SKOR2: variants seen among roughly 807,000 people sequenced by gnomAD.
SKOR2 encodes the protein LBX1 corepressor 1-like protein.
A neutral mutation model predicts 69.1 loss-of-function variants in SKOR2; 47 were observed. That is an observed-to-expected ratio of 0.68 (90% confidence interval 0.54 to 0.87). SKOR2 has a LOEUF of 0.87. Ranked by LOEUF, SKOR2 falls within the 40% of genes least tolerant of loss-of-function variation. The pLI, the probability that SKOR2 is intolerant of heterozygous loss-of-function variation, is 0.00. For missense variants in SKOR2, 1,404 were observed against 1,472.2 expected (o/e 0.95, Z 0.76); for synonymous variants, 717 against 672.6 (o/e 1.07, Z -1.02).
rs919098396 is a variant in SKOR2 at position 47,248,305 on chromosome 18, C to CGGCGGT, written c.873_878dup (p.Pro293_Pro294dup). 8.3e-7 allele frequency: 1 copy of CGGCGGT among 1,205,128 alleles called. No individual in the cohort carries two copies. Among genetic ancestry groups the CGGCGGT allele is most frequent in the African/African-American group, 1.6e-5 (1 of 62,674 alleles). 74.7% of individuals were successfully genotyped at this position (1,205,128 alleles called of 1,614,324 possible). On this transcript the variant is annotated inframe_insertion, in exon 2 of 9. Transcript: ENST00000425639. This position sits in a 1 kb window ranked among gnomAD's most constrained non-coding sequence, Gnocchi z 6.4. ...GGGCACCAGCCAGCTCTGCCAAGGG[C>CGGCGGT]GGCGGTGGCGGCGGCGGCGGCGGGG... is the stretch of plus-strand genomic sequence containing the variant.
Position 47,248,235 on chromosome 18 carries a change from A to AGTCGTC in SKOR2, c.943_948dup (p.Asp315_Asp316dup), listed in dbSNP as rs1042316344. The AGTCGTC allele has an allele frequency of 4.9e-6, 6 of 1,226,068 alleles. No individual in the cohort carries two copies. Among genetic ancestry groups the AGTCGTC allele is most frequent in the African/African-American group, 3.1e-5 (2 of 63,576 alleles). 75.9% of individuals were successfully genotyped at this position (1,226,068 alleles called of 1,614,324 possible). On this transcript the variant is annotated inframe_insertion, in exon 2 of 9. Coordinates refer to ENST00000425639, the MANE Select transcript of SKOR2 (RefSeq NM_001278063.4). The surrounding 1 kb of genome is among the most constrained non-coding windows in gnomAD (Gnocchi z 6.4). The stretch of plus-strand genomic sequence containing the variant: ...GCCACTACGGCGGCCTCCTGCAAGG[A>AGTCGTC]GTCGTCGTCGTCGTCGAAGCGCGGC...
chr18:47,247,684 G>A lies in SKOR2; in HGVS notation c.1500C>T (p.Gly500=). The change falls in exon 2 of 9, where the codon GGC becomes GGT. Residue 500 remains glycine (G), a synonymous_variant. Coordinates refer to ENST00000425639, the MANE Select transcript of SKOR2 (RefSeq NM_001278063.4). The surrounding 1 kb of genome is among the most constrained non-coding windows in gnomAD (Gnocchi z 6.6). The part of the protein sequence containing the change: ...QPPSALGCAL[G]ESPALLRQAF... Reference sequence around the variant, plus strand: ...CCTGGCGCAGCAGGGCCGGGCTTTCGCCTAGCGCGCAGCCTAGCGCCGAGG... The same window carrying A: ...CCTGGCGCAGCAGGGCCGGGCTTTCACCTAGCGCGCAGCCTAGCGCCGAGG... The A allele has an allele frequency of 7.3e-7, 1 of 1,369,944 alleles. No individual in the cohort carries two copies. The highest frequency in any genetic ancestry group is 1.7e-5 in the South Asian group (1 of 58,216). The allele number at this position is 1,369,944 out of a possible 1,614,324, so 84.9% of individuals were successfully genotyped here.
chr18:47,229,905 A>C (rs2064191490), intron 6 of SKOR2, among the ~76,000 whole-genome samples: 1 of 152,200 alleles, frequency 6.6e-6, no homozygotes, highest in Non-Finnish European at 1.5e-5. Flanking sequence ...TAAATTCAGA[A>C]TGGAATTTTA....
intron 4 of SKOR2, among the ~76,000 whole-genome samples, chr18:47,232,551 C>T (rs2144497799): frequency 6.6e-6 from 1 of 152,312 alleles, no homozygotes; most frequent in African/African-American, 2.4e-5. Context: ...GATCCCCCTC[C>T]CTTTCACCCC....
At chr18:47,209,894 C>G (rs2064122763) in intron 8 of SKOR2, among the ~76,000 whole-genome samples, 1 of 152,068 alleles carries the variant, frequency 6.6e-6, no homozygotes, top group Admixed American at 6.6e-5. Context: ...GAGCTTGAGA[C>G]CAGCCTGCGA....
Position 47,245,478 on chromosome 18 carries a change from A to ATTTGTTTTTTTTTTT in SKOR2, c.2677+19_2677+20insAAAAAAAAAAACAAA. 8.4e-7 allele frequency: 1 copy of ATTTGTTTTTTTTTTT among 1,194,644 alleles called. No individual in the cohort carries two copies. Among genetic ancestry groups the ATTTGTTTTTTTTTTT allele is most frequent in the East Asian group, 3.0e-5 (1 of 33,588 alleles). 74.0% of individuals were successfully genotyped at this position (1,194,644 alleles called of 1,614,324 possible). A position where few individuals can be genotyped will look rare whatever the true frequency, so the allele number is the denominator to read the frequency against. The stretch of plus-strand genomic sequence containing the variant: ...ATGCAGGCAAGAAAAGTGGCAGCTG[A>ATTTGTTTTTTTTTTT]TTTTTTTTTTTTTTTTTACCTGAAA... On this transcript the variant is annotated intron_variant, in intron 3 of 8. Transcript: ENST00000425639.
At chr18:47,208,033 C>T (rs2064118009) in intron 8 of SKOR2, among the ~76,000 whole-genome samples, 1 of 152,046 alleles carries the variant, frequency 6.6e-6, no homozygotes, top group Non-Finnish European at 1.5e-5. Flanking sequence ...AAAGTGACAG[C>T]CAAAATTTTA....
intron 8 of SKOR2, 39 bp downstream of exon 8, chr18:47,212,047 C>T: frequency 8.1e-7 from 1 of 1,229,328 alleles, no homozygotes. Context: ...CACAACAATA[C>T]AGAGAGTTAA....
Position 47,247,730 on chromosome 18 carries a change from A to G in SKOR2, c.1454T>C (p.Leu485Pro). The change falls in exon 2 of 9, where the codon CTG becomes CCG. Residue 485 changes from leucine (L) to proline (P), a missense_variant. This residue lies in a region of SKOR2 where 1,266 missense variants were observed against 1,309.9 expected (regional missense o/e 0.97). Transcript: ENST00000425639. This position sits in a 1 kb window ranked among gnomAD's most constrained non-coding sequence, Gnocchi z 6.6. ...CGAGGGCGGCTGAGGCGGGGGCTGCAGGTAGGTGGGCACCGGGAGCCCGCC... is the reference window on the plus strand; with the variant it reads ...CGAGGGCGGCTGAGGCGGGGGCTGCGGGTAGGTGGGCACCGGGAGCCCGCC... ...TPGGLPVPTY[L>P]QPPPQPPSAL... 7.3e-7 allele frequency: 1 copy of G among 1,362,956 alleles called. No individual in the cohort carries two copies. 84.4% of individuals were successfully genotyped at this position (1,362,956 alleles called of 1,614,324 possible). A position where few individuals can be genotyped will look rare whatever the true frequency, so the allele number is the denominator to read the frequency against.
At position 47,246,688 on chromosome 18, in the gene SKOR2, G is replaced by C. The variant is rs940162402; in HGVS notation, c.2496C>G (p.Asp832Glu). The change falls in exon 2 of 9, where the codon GAC becomes GAG. Residue 832 changes from aspartate to glutamate, a missense_variant. By Grantham distance (45) the Asp-to-Glu change is conservative. Coordinates refer to ENST00000425639, the MANE Select transcript of SKOR2 (RefSeq NM_001278063.4). ...EDGKLGDPGS[D>E]LPPPPPPPLA... ...GGGGCGGCGGCGGGGGCGGGGGCAG[G>C]TCCGAGCCGGGGTCCCCGAGTTTCC... 1 of 1,479,976 alleles carries C rather than the reference G, an allele frequency of 6.8e-7. No homozygotes were observed. Among genetic ancestry groups the C allele is most frequent in the African/African-American group, 1.5e-5 (1 of 67,708 alleles). The allele number at this position is 1,479,976 out of a possible 1,614,324, so 91.7% of individuals were successfully genotyped here.
At chr18:47,224,804 G>A (rs1600031149) in intron 6 of SKOR2, among the ~76,000 whole-genome samples, 1 of 152,008 alleles carries the variant, frequency 6.6e-6, no homozygotes, top group South Asian at 2.1e-4. Flanking sequence ...TGTTTGTGTA[G>A]AGACAGGGTC....
Position 47,249,148 on chromosome 18 carries a change from G to A in SKOR2, c.36C>T (p.Ile12=), listed in dbSNP as rs1309122207. 1 of 1,535,518 alleles carries A rather than the reference G, an allele frequency of 6.5e-7. No homozygotes were observed. Among genetic ancestry groups the A allele is most frequent in the Non-Finnish European group, 8.7e-7 (1 of 1,146,642 alleles). Reference sequence around the variant, plus strand: ...AGGCGCTCGACGGCGACGCCAGCAGGATGTCGTTGGGCCCTGGCAGCGGAC... The same window carrying A: ...AGGCGCTCGACGGCGACGCCAGCAGAATGTCGTTGGGCCCTGGCAGCGGAC... ...ASSPLPGPND[I]LLASPSSAFQ... Residue 12 remains isoleucine, a synonymous_variant, in exon 2 of 9, where the codon ATC becomes ATT. Transcript: ENST00000425639.
chr18:47,236,382 CCTCT>C (rs2064223780), intron 4 of SKOR2, among the ~76,000 whole-genome samples: 1 of 152,164 alleles, frequency 6.6e-6, no homozygotes, highest in South Asian at 2.1e-4. Flanking sequence ...GGTGCCCTCT[CCTCT>C]CTTTCTTGTG....
At chr18:47,227,399 G>A (rs755489775) in intron 6 of SKOR2, among the ~76,000 whole-genome samples, 4 of 145,234 alleles carry the variant, frequency 2.8e-5, no homozygotes, top group South Asian at 2.2e-4. Flanking sequence ...GGGCAGTGGC[G>A]TGATCTCGGC....
Position 47,248,077 on chromosome 18 carries a change from ACCCGCC to A in SKOR2, c.1101_1106del (p.Gly373_Ala374del). ...GCGGGCCTTTGGCCCCTGCCCCGGC[ACCCGCC>A]CCCGCGCCCGCGCCCACGCCCACGC... On this transcript the variant is annotated inframe_deletion, in exon 2 of 9. Coordinates refer to ENST00000425639, the MANE Select transcript of SKOR2 (RefSeq NM_001278063.4). This position sits in a 1 kb window ranked among gnomAD's most constrained non-coding sequence, Gnocchi z 6.4. 5.0e-6 allele frequency: 7 copies of A among 1,386,848 alleles called. No individual in the cohort carries two copies. Among genetic ancestry groups the A allele is most frequent in the South Asian group, 3.2e-5 (2 of 63,026 alleles). 85.9% of individuals were successfully genotyped at this position (1,386,848 alleles called of 1,614,324 possible).
In SKOR2 at chr18:47,212,066, C is replaced by T; in HGVS notation, c.*3+20G>A. Reference sequence around the variant, plus strand: ...ACAATACAGAGAGTTAAGAAAATCTCTTTCCTCTGGTGATCTTACCTTTTA... The same window carrying T: ...ACAATACAGAGAGTTAAGAAAATCTTTTTCCTCTGGTGATCTTACCTTTTA... On this transcript the variant is annotated intron_variant, in intron 8 of 8. Coordinates refer to ENST00000425639, the MANE Select transcript of SKOR2 (RefSeq NM_001278063.4). The T allele has an allele frequency of 8.1e-7, 1 of 1,231,836 alleles. No homozygotes were observed. Among genetic ancestry groups the T allele is most frequent in the Non-Finnish European group, 1.0e-6 (1 of 987,756 alleles). 76.3% of individuals were successfully genotyped at this position (1,231,836 alleles called of 1,614,324 possible). A position where few individuals can be genotyped will look rare whatever the true frequency, so the allele number is the denominator to read the frequency against.
rs946019391 is a variant in SKOR2 at position 47,247,355 on chromosome 18, C to T, written c.1829G>A (p.Gly610Glu). 80 of 1,466,664 alleles carry T rather than the reference C, an allele frequency of 5.5e-5. No individual in the cohort carries two copies. The African/African-American group carries it at 9.5e-4, about 17-fold the overall frequency. The allele number at this position is 1,466,664 out of a possible 1,614,324, so 90.9% of individuals were successfully genotyped here. A position where few individuals can be genotyped will look rare whatever the true frequency, so the allele number is the denominator to read the frequency against. Residue 610 changes from glycine to glutamate, a missense_variant, in exon 2 of 9, where the codon GGG becomes GAG. Gly to Glu is a moderately conservative substitution (Grantham distance 98, BLOSUM62 -2). Coordinates refer to ENST00000425639, the MANE Select transcript of SKOR2 (RefSeq NM_001278063.4). The surrounding 1 kb of genome is among the most constrained non-coding windows in gnomAD (Gnocchi z 6.6). Reference protein sequence around the residue: ...PAPHHPHLLEGRKAGGGSYHH... With the variant: ...PAPHHPHLLEERKAGGGSYHH... ...GTAGCTGCCACCGCCCGCTTTGCGC[C>T]CCTCCAGAAGGTGCGGATGGTGGGG...
rs1447659924 is a variant in SKOR2, at chr18:47,247,547, G to A, written c.1637C>T (p.Pro546Leu). 7.4e-5 allele frequency: 90 copies of A among 1,222,680 alleles called. No homozygotes were observed. Among genetic ancestry groups the A allele is most frequent in the Middle Eastern group, 3.2e-4 (1 of 3,140 alleles). The allele number at this position is 1,222,680 out of a possible 1,614,324, so 75.7% of individuals were successfully genotyped here. A position where few individuals can be genotyped will look rare whatever the true frequency, so the allele number is the denominator to read the frequency against. Residue 546 changes from proline (P) to leucine (L), a missense_variant, in exon 2 of 9, where the codon CCT (proline) becomes CTT (leucine). By Grantham distance (98) the Pro-to-Leu change is moderately conservative (BLOSUM62 -3). Around this residue, in one of 3 missense-constraint regions of SKOR2, gnomAD observed 1,266 missense variants for 1,309.9 expected, o/e 0.97. Transcript: ENST00000425639. The surrounding 1 kb of genome is among the most constrained non-coding windows in gnomAD (Gnocchi z 6.6). The part of the protein sequence containing the change: ...VANGPGSGPP[P>L]PAGGAGSRDA... ...GCGAGAGCCGGCGCCCCCGGCAGGA[G>A]GAGGTGGGCCGGAGCCCGGGCCGTT...
intron 6 of SKOR2, among the ~76,000 whole-genome samples, chr18:47,223,791 C>T (rs2064169309): frequency 6.6e-6 from 1 of 151,874 alleles, no homozygotes; most frequent in African/African-American, 2.4e-5. Flanking sequence ...TGTTTCCTTT[C>T]CTTTTTATTT....
Sources: gnomAD v4.1 joint callset for allele counts (sites outside exome capture counted in the v4.1 genomes callset) on GRCh38, gnomAD v4.1.1 for gene constraint, gnomAD v4.1.1 regional missense constraint, Gnocchi (gnomAD v3.1) non-coding constraint, MANE v1.5 for transcripts, NCBI Gene and HGNC (gene_info 2026-07-23, HGNC 2026-07-21) for gene names.